Variants in ELSPBP1 observed in about 807,000 individuals in gnomAD.
The protein encoded by ELSPBP1 is epididymal sperm-binding protein 1.
A neutral mutation model predicts 33.3 loss-of-function variants in ELSPBP1; 38 were observed. The observed-to-expected ratio is 1.14, with a 90% CI of 0.88 to 1.50. The LOEUF (loss-of-function observed/expected upper bound fraction) is 1.50, where lower values mean the gene tolerates loss of function less well. ELSPBP1 is among the 40% of genes most tolerant of loss of function. The pLI is 0.00. For missense variants in ELSPBP1, 267 were observed against 263.5 expected, an observed-to-expected ratio of 1.01 and a Z score of -0.09; for synonymous variants, 85 against 94.1, an observed-to-expected ratio of 0.90 and a Z score of 0.56.
rs529836948 is a variant in ELSPBP1, at chr19:48,015,992, C to T, written c.308C>T (p.Thr103Ile). ...TTAGGCAGTCTGTGGTGCTCAGTCA[C>T]CTCTGTCTTCGATGAGAAACAGCAG... The part of the protein sequence containing the change: ...SFLGSLWCSV[T>I]SVFDEKQQWK... Residue 103 changes from threonine to isoleucine, a missense_variant, in exon 4 of 7, where the codon ACC (threonine) becomes ATC (isoleucine). By Grantham distance (89) the Thr-to-Ile change is moderately conservative. Coordinates refer to ENST00000339841, the MANE Select transcript of ELSPBP1 (RefSeq NM_022142.5). The T allele has an allele frequency of 9.5e-5, 154 of 1,613,862 alleles. No homozygotes were observed. The highest frequency in any genetic ancestry group is 1.3e-4 in the Non-Finnish European group (152 of 1,179,986).
At chr19:47,998,786 C>CA (rs34853595) in intron 1 of ELSPBP1, among the ~76,000 whole-genome samples, 24,951 of 110,624 alleles carry the variant, frequency 0.23, 2,879 homozygotes, top group East Asian at 0.32. Context: ...GACTCCGTCT[C>CA]AAAAAAAAAA....
chr19:47,999,936 C>G (rs1966950541), intron 1 of ELSPBP1, among the ~76,000 whole-genome samples: 1 of 151,936 alleles, frequency 6.6e-6, no homozygotes, highest in African/African-American at 2.4e-5. Context: ...GATCCTTCCC[C>G]CTCAGCCTCC....
At chr19:48,017,647 G>T (rs1313474921) in intron 4 of ELSPBP1, among the ~76,000 whole-genome samples, 1 of 152,080 alleles carries the variant, frequency 6.6e-6, no homozygotes. Context: ...TCCCAAAAGG[G>T]ATTGGGAGGC....
At chr19:48,022,108 C>A in intron 5 of ELSPBP1, 62 bp from the exon 6 acceptor site, 1 of 1,486,188 alleles carries the variant, frequency 6.7e-7, no homozygotes, top group Non-Finnish European at 9.1e-7. Flanking sequence ...CTGAAGCCCA[C>A]GCCTCTACGA....
chr19:47,999,791 A>T (rs1020862439), intron 1 of ELSPBP1, among the ~76,000 whole-genome samples: 2 of 151,818 alleles, frequency 1.3e-5, no homozygotes, highest in Admixed American at 6.6e-5. Flanking sequence ...ACATAGTAGG[A>T]GGAACACAAC....
chr19:48,005,442 A>G (rs1967008298), intron 1 of ELSPBP1, among the ~76,000 whole-genome samples: 2 of 134,112 alleles, frequency 1.5e-5, no homozygotes, highest in East Asian at 4.3e-4. Context: ...AGAGACAGGG[A>G]CAGCAGATCT....
intron 6 of ELSPBP1, among the ~76,000 whole-genome samples, chr19:48,023,648 G>A (rs911925647): frequency 6.6e-6 from 1 of 151,446 alleles, no homozygotes; most frequent in Admixed American, 6.6e-5. Flanking sequence ...GGAAAGGAAG[G>A]ATAACCCAGA....
chr19:48,000,355 C>T (rs1966955338), intron 1 of ELSPBP1, among the ~76,000 whole-genome samples: 1 of 151,932 alleles, frequency 6.6e-6, no homozygotes, highest in African/African-American at 2.4e-5. Context: ...ATTCTCCTGC[C>T]TCAGTCTCCT....
Position 48,023,500 on chromosome 19 carries a change from GAA to G in ELSPBP1, c.*7+1169_*7+1170del, listed in dbSNP as rs1967232650. ...GGAGGAGGGAAGGGAGGGAGGGAAG[GAA>G]AAGAGGAAGGAAATAAGGAAGGAAG... On this transcript the variant is annotated intron_variant, in intron 6 of 6. Coordinates refer to ENST00000339841, the MANE Select transcript of ELSPBP1 (RefSeq NM_022142.5). Among the ~76,000 whole-genome samples the G allele has an allele frequency of 8.2e-4, 73 of 88,626 alleles. 1 individual carries two copies. Among genetic ancestry groups the G allele is most frequent in the South Asian group, 2.2e-3 (5 of 2,250 alleles). 58.1% of individuals were successfully genotyped at this position (88,626 alleles called of 152,430 possible). A position where few individuals can be genotyped will look rare whatever the true frequency, so the allele number is the denominator to read the frequency against.
At chr19:48,021,608 T>A (rs1439641374) in intron 5 of ELSPBP1, among the ~76,000 whole-genome samples, 1 of 150,980 alleles carries the variant, frequency 6.6e-6, no homozygotes, top group Non-Finnish European at 1.5e-5. Flanking sequence ...CCTAGCTAAT[T>A]TTTGTATATA....
intron 1 of ELSPBP1, among the ~76,000 whole-genome samples, chr19:48,008,118 T>A: frequency 6.6e-6 from 1 of 152,304 alleles, no homozygotes; most frequent in African/African-American, 2.4e-5. Context: ...ACACCTGGGC[T>A]ATATGATACA....
In ELSPBP1 at chr19:48,012,886, G is replaced by A. The variant is rs991706576; in HGVS notation, c.71-1285G>A. 5.9e-5 allele frequency among the ~76,000 whole-genome samples: 9 copies of A among 152,058 alleles called. No individual in the cohort carries two copies. In the South Asian group the frequency reaches 8.3e-4, roughly 14 times the overall value. ...ACCACTTTCCATAAATAGGAAGTAC[G>A]ACCAAAAAGAAATACTGTACTATGA... On this transcript the variant is annotated intron_variant, in intron 2 of 6. Transcript: ENST00000339841.
At chr19:48,003,766 G>A (rs1168423570) in intron 1 of ELSPBP1, among the ~76,000 whole-genome samples, 6 of 148,494 alleles carry the variant, frequency 4.0e-5, no homozygotes, top group East Asian at 2.0e-4. Flanking sequence ...GGCTGGTCTC[G>A]AACACCTGAC....
intron 1 of ELSPBP1, among the ~76,000 whole-genome samples, chr19:47,997,530 T>C (rs775809107): frequency 6.6e-6 from 1 of 152,202 alleles, no homozygotes; most frequent in Admixed American, 6.5e-5. Context: ...AAATGTTTTA[T>C]TGATACACAA....
chr19:48,013,725 A>G (rs1967100815), intron 2 of ELSPBP1, among the ~76,000 whole-genome samples: 2 of 151,954 alleles, frequency 1.3e-5, no homozygotes, highest in Non-Finnish European at 2.9e-5. Flanking sequence ...TCAAAAAAAA[A>G]AAAAGTAAAT....
chr19:48,009,352 GT>G (rs1967055274), intron 2 of ELSPBP1, among the ~76,000 whole-genome samples: 1 of 152,088 alleles, frequency 6.6e-6, no homozygotes, highest in South Asian at 2.1e-4. Flanking sequence ...CATGGTGGGG[GT>G]AAAAGGCAGG....
At chr19:48,019,667 G>A in intron 4 of ELSPBP1, 52 bp from the exon 5 acceptor site, 3 of 1,556,370 alleles carry the variant, frequency 1.9e-6, no homozygotes, top group Non-Finnish European at 2.6e-6. Flanking sequence ...ATAAATGGAA[G>A]CTCTTTTCAT....
Position 48,008,689 on chromosome 19 carries a change from C to G in ELSPBP1, c.22C>G (p.Leu8Val). ...CAAGATGACCCGATGGTCCAGTTAC[C>G]TGTTGGGATGGACAACCTTCCTTCT... is the stretch of plus-strand genomic sequence containing the variant. Reference protein sequence around the residue: MTRWSSYLLGWTTFLLYS... With the variant: MTRWSSYVLGWTTFLLYS... Residue 8 changes from leucine to valine, a missense_variant, in exon 2 of 7, where the codon CTG becomes GTG. Leu to Val is a conservative substitution (Grantham distance 32, BLOSUM62 1). Coordinates refer to ENST00000339841, the MANE Select transcript of ELSPBP1 (RefSeq NM_022142.5). 1 of 1,613,884 alleles carries G rather than the reference C, an allele frequency of 6.2e-7. No homozygotes were observed.
chr19:48,023,942 C>T (rs1363171221), intron 6 of ELSPBP1, among the ~76,000 whole-genome samples: 2 of 151,756 alleles, frequency 1.3e-5, no homozygotes, highest in Non-Finnish European at 2.9e-5. Context: ...GCAATCTCAG[C>T]TCACTGCAGC....
Sources: allele counts gnomAD v4.1 joint callset (sites outside exome capture counted in the v4.1 genomes callset), GRCh38; gene constraint gnomAD v4.1.1; transcripts MANE v1.5; gene names NCBI Gene and HGNC (gene_info 2026-07-23, HGNC 2026-07-21).